The following CTNNAL1 variants were observed in gnomAD, a reference collection of about 807,000 sequenced individuals.
The protein encoded by CTNNAL1 is alpha-catulin.
Under a neutral mutation model 93.6 loss-of-function variants are expected in CTNNAL1, and 69 were observed. The observed-to-expected ratio is 0.74, with a 90% confidence interval of 0.61 to 0.90. CTNNAL1 has a LOEUF of 0.90. Among genes scored for constraint, CTNNAL1 ranks in the 40% least tolerant of loss-of-function variants. CTNNAL1 has a pLI of 0.00. For missense variants in CTNNAL1, 836 were observed against 862.0 expected (o/e 0.97, Z 0.38); for synonymous variants, 286 against 305.4 (o/e 0.94, Z 0.66).
chr9:108,955,135 T>TTTG (rs1214180239), intron 12 of CTNNAL1, among the ~76,000 whole-genome samples: 2 of 151,980 alleles, frequency 1.3e-5, no homozygotes, highest in Admixed American at 1.3e-4. Flanking sequence ...GCTAATTTTT[T>TTTG]TTGTTGTTGT....
chr9:108,953,839 AAGAC>A (rs1408472781), intron 12 of CTNNAL1, among the ~76,000 whole-genome samples: 3 of 151,538 alleles, frequency 2.0e-5, no homozygotes, highest in East Asian at 1.9e-4. Flanking sequence ...GAAAGAGACA[AAGAC>A]AGAGAGAGAG....
chr9:108,972,125 G>C (rs746648010), intron 9 of CTNNAL1, among the ~76,000 whole-genome samples: 1 of 152,130 alleles, frequency 6.6e-6, no homozygotes, highest in Non-Finnish European at 1.5e-5. Context: ...GGCTGTCTCT[G>C]GGCCTAGTCC....
chr9:109,009,365 G>T (rs1274726732), intron 1 of CTNNAL1, among the ~76,000 whole-genome samples: 2 of 151,400 alleles, frequency 1.3e-5, no homozygotes, highest in South Asian at 2.1e-4. Context: ...TAATCCATCT[G>T]AAGTTGACTT....
intron 8 of CTNNAL1, 128 bp from the exon 9 acceptor site, chr9:108,972,961 A>G: frequency 8.6e-7 from 1 of 1,161,772 alleles, no homozygotes; most frequent in Non-Finnish European, 1.2e-6. Context: ...ATTAATAAAG[A>G]GAAGCCGCAA....
At chr9:108,972,399 T>C (rs1463463311) in intron 9 of CTNNAL1, among the ~76,000 whole-genome samples, 1 of 152,156 alleles carries the variant, frequency 6.6e-6, no homozygotes, top group Non-Finnish European at 1.5e-5. Context: ...TCATACGACG[T>C]ACCTCCATGG....
chr9:108,967,324 G>A (rs1830983365), intron 10 of CTNNAL1, among the ~76,000 whole-genome samples: 1 of 152,188 alleles, frequency 6.6e-6, no homozygotes, highest in Admixed American at 6.5e-5. Flanking sequence ...TAATGTGATA[G>A]AGATGCCCAT....
chr9:108,943,130 T>G (rs1342228554), intron 17 of CTNNAL1, 86 bp from the exon 18 acceptor site: 7 of 1,210,510 alleles, frequency 5.8e-6, no homozygotes, highest in Non-Finnish European at 8.1e-6. Context: ...CATGATAAAA[T>G]TTCTCCATAT....
chr9:108,946,670 G>C (rs1225823982), intron 15 of CTNNAL1, among the ~76,000 whole-genome samples: 2 of 152,168 alleles, frequency 1.3e-5, no homozygotes, highest in Non-Finnish European at 2.9e-5. Flanking sequence ...TAAGCTCTAT[G>C]GGGGCAGGAG....
intron 8 of CTNNAL1, among the ~76,000 whole-genome samples, chr9:108,974,623 C>T (rs1422320456): frequency 6.6e-6 from 1 of 152,108 alleles, no homozygotes; most frequent in Non-Finnish European, 1.5e-5. Context: ...TGCTTGAGCC[C>T]AGGAGTTCAA....
chr9:108,994,400 C>G (rs944237580), intron 2 of CTNNAL1, among the ~76,000 whole-genome samples: 5 of 151,998 alleles, frequency 3.3e-5, no homozygotes, highest in Admixed American at 1.3e-4. Flanking sequence ...TAAGAAAACA[C>G]AAAATTAGTA....
At chr9:109,005,716 G>C (rs529873522) in intron 1 of CTNNAL1, among the ~76,000 whole-genome samples, 7 of 152,330 alleles carry the variant, frequency 4.6e-5, no homozygotes, top group African/African-American at 1.7e-4. Context: ...AATCCGAACA[G>C]ATTAAGGTGA....
At chr9:109,004,818 A>G (rs1826967804) in intron 1 of CTNNAL1, among the ~76,000 whole-genome samples, 1 of 151,678 alleles carries the variant, frequency 6.6e-6, no homozygotes, top group Non-Finnish European at 1.5e-5. Flanking sequence ...AATAAATAAG[A>G]AGAGTTAATA....
chr9:108,994,095 G>A (rs1048955143), intron 2 of CTNNAL1, among the ~76,000 whole-genome samples: 1 of 152,154 alleles, frequency 6.6e-6, no homozygotes, highest in Non-Finnish European at 1.5e-5. Context: ...AGCCAGGTGT[G>A]GTGGCAGGGG....
chr9:108,999,056 T>C lies in CTNNAL1; in HGVS notation c.331+11A>G, dbSNP rs1194672765. 13 of 1,589,340 alleles carry C rather than the reference T, an allele frequency of 8.2e-6. No individual in the cohort carries two copies. The highest frequency in any genetic ancestry group is 1.0e-5 in the Non-Finnish European group (12 of 1,170,336). Reference sequence around the variant, plus strand: ...TGGTATGAATAGTCTTCAAAATCAATATCCACCTACCTGCTTGTTTAGCTT... The same window carrying C: ...TGGTATGAATAGTCTTCAAAATCAACATCCACCTACCTGCTTGTTTAGCTT... On this transcript the variant is annotated intron_variant, in intron 2 of 18. Transcript: ENST00000325551.
At chr9:108,979,536 C>A in intron 6 of CTNNAL1, 55 bp from the exon 7 acceptor site, 1 of 1,532,456 alleles carries the variant, frequency 6.5e-7, no homozygotes, top group Non-Finnish European at 8.9e-7. Context: ...CCCACCTGAC[C>A]AAAATGGGCT....
chr9:108,964,169 C>A (rs1162826663), intron 11 of CTNNAL1, among the ~76,000 whole-genome samples: 2 of 152,206 alleles, frequency 1.3e-5, no homozygotes, highest in East Asian at 3.9e-4. Flanking sequence ...AAATGATTTG[C>A]CATTCAGACT....
At chr9:108,969,793 T>C (rs1449503459) in intron 10 of CTNNAL1, among the ~76,000 whole-genome samples, 1 of 152,120 alleles carries the variant, frequency 6.6e-6, no homozygotes, top group Non-Finnish European at 1.5e-5. Flanking sequence ...GCTAGGACTA[T>C]AGGTAAGCAC....
intron 4 of CTNNAL1, among the ~76,000 whole-genome samples, chr9:108,989,038 A>G (rs1831702192): frequency 6.6e-6 from 1 of 152,254 alleles, no homozygotes; most frequent in Non-Finnish European, 1.5e-5. Flanking sequence ...ACATTTAATG[A>G]GCTAAATTGC....
rs150197624 is a variant in CTNNAL1 at position 108,956,989 on chromosome 9, T to G, written c.1592-1162A>C. On this transcript the variant is annotated intron_variant, in intron 11 of 18. Coordinates refer to ENST00000325551, the MANE Select transcript of CTNNAL1 (RefSeq NM_003798.4). The stretch of plus-strand genomic sequence containing the variant: ...AGGGAGAAAAAATATATAAAATATA[T>G]TAATTTAAAATATTGATTATATACT... 8.6e-5 allele frequency among the ~76,000 whole-genome samples: 13 copies of G among 151,746 alleles called. No individual in the cohort carries two copies. The South Asian group carries it at 1.2e-3, about 15-fold the overall frequency.
Sources: gnomAD v4.1 joint callset for allele counts (sites outside exome capture counted in the v4.1 genomes callset) on GRCh38, gnomAD v4.1.1 for gene constraint, MANE v1.5 for transcripts, NCBI Gene and HGNC (gene_info 2026-07-23, HGNC 2026-07-21) for gene names.